The following OPCML variants were observed in gnomAD, a reference collection of about 807,000 sequenced individuals.
OPCML encodes opioid-binding protein/cell adhesion molecule.
A neutral mutation model predicts 37.8 loss-of-function variants in OPCML; 13 were observed. The observed-to-expected ratio is 0.34, with a 90% CI of 0.22 to 0.55. The LOEUF is 0.55. Ranked by LOEUF, OPCML falls within the 20% of genes least tolerant of loss-of-function variation. The pLI is 0.91. For synonymous variants in OPCML, 176 were observed against 168.8 expected (o/e 1.04, Z -0.33); for missense variants, 341 against 435.6 (o/e 0.78, Z 1.93).
At chr11:132,849,009 G>A (rs1941679316) in intron 2 of OPCML, among the ~76,000 whole-genome samples, 1 of 152,180 alleles carries the variant, frequency 6.6e-6, no homozygotes, top group Non-Finnish European at 1.5e-5. Flanking sequence ...CACAGTGTTG[G>A]CAACTGATAC....
Position 132,541,699 on chromosome 11 carries a change from C to T in OPCML, c.380-12513G>A, listed in dbSNP as rs555608761. Reference sequence around the variant, plus strand: ...AAGCAGAGAGGGGTTAAATAACTTGCTAAATTTCACACAGCCTGGAAGAGG... The same window carrying T: ...AAGCAGAGAGGGGTTAAATAACTTGTTAAATTTCACACAGCCTGGAAGAGG... On this transcript the variant is annotated intron_variant, in intron 3 of 7. Transcript: ENST00000524381. Among the ~76,000 whole-genome samples the T allele has an allele frequency of 9.9e-5, 15 of 152,250 alleles. No individual in the cohort carries two copies. In the East Asian group the frequency reaches 2.7e-3, roughly 28 times the overall value.
chr11:132,606,831 A>G (rs1030842619), intron 3 of OPCML, among the ~76,000 whole-genome samples: 8 of 152,166 alleles, frequency 5.3e-5, no homozygotes, highest in African/African-American at 1.7e-4. Context: ...GCTGGAATTG[A>G]TAAGTAGATG....
chr11:133,050,253 C>A (rs529892814), intron 1 of OPCML, among the ~76,000 whole-genome samples: 2 of 152,340 alleles, frequency 1.3e-5, no homozygotes, highest in Non-Finnish European at 2.9e-5. Context: ...GTGTAGCCAT[C>A]ATCTGCAATG....
chr11:132,443,832 T>A (rs549027318), intron 4 of OPCML, among the ~76,000 whole-genome samples: 2 of 152,322 alleles, frequency 1.3e-5, no homozygotes, highest in African/African-American at 4.8e-5. Context: ...GACATGTGCC[T>A]GAATCCTATC....
At chr11:133,087,653 AGACT>A (rs1254229374) in intron 1 of OPCML, among the ~76,000 whole-genome samples, 2 of 152,250 alleles carry the variant, frequency 1.3e-5, no homozygotes, top group African/African-American at 4.8e-5. Context: ...GTATGACTAC[AGACT>A]ATTTTTAAGT....
At chr11:133,447,602 A>G (rs1356770038) in intron 1 of OPCML, among the ~76,000 whole-genome samples, 1 of 152,178 alleles carries the variant, frequency 6.6e-6, no homozygotes, top group Non-Finnish European at 1.5e-5. Flanking sequence ...GCTCCCACTT[A>G]TAAGTGAGAA....
chr11:133,530,385 G>T (rs754321187), intron 1 of OPCML, among the ~76,000 whole-genome samples: 1 of 152,348 alleles, frequency 6.6e-6, no homozygotes, highest in South Asian at 2.1e-4. Context: ...CATAAGGGGC[G>T]CATCCATACA....
chr11:133,082,089 G>A (rs901458266), intron 1 of OPCML, among the ~76,000 whole-genome samples: 4 of 151,988 alleles, frequency 2.6e-5, no homozygotes, highest in African/African-American at 4.8e-5. Flanking sequence ...TGAGACGGCC[G>A]GGGGTGACCC....
intron 2 of OPCML, among the ~76,000 whole-genome samples, chr11:132,858,394 C>G (rs1164472035): frequency 6.6e-6 from 1 of 152,218 alleles, no homozygotes; most frequent in African/African-American, 2.4e-5. Context: ...GAGGCATGCA[C>G]CTCCTCGGCT....
chr11:133,419,683 A>G, intron 1 of OPCML, among the ~76,000 whole-genome samples: 1 of 152,184 alleles, frequency 6.6e-6, no homozygotes, highest in African/African-American at 2.4e-5. Context: ...AAATCAGCAA[A>G]TGCTGCAAAT....
chr11:132,423,681 G>A (rs1017647928), intron 7 of OPCML, among the ~76,000 whole-genome samples: 1 of 152,210 alleles, frequency 6.6e-6, no homozygotes, highest in Non-Finnish European at 1.5e-5. Context: ...CACCTAACTT[G>A]GCCAAATGCT....
chr11:133,447,017 C>T (rs1317450456), intron 1 of OPCML, among the ~76,000 whole-genome samples: 9 of 152,160 alleles, frequency 5.9e-5, no homozygotes, highest in African/African-American at 2.2e-4. Context: ...TCTTTGCAGA[C>T]ATATCTTTTC....
In OPCML at chr11:132,747,664, C is replaced by T. The variant is rs144187912; in HGVS notation, c.147-90345G>A. ...GACTGCATCTTTTACTCAGTGACTC[C>T]GGTGAAAGAGCAACAGAACCTCAGA... On this transcript the variant is annotated intron_variant, in intron 2 of 7. Transcript: ENST00000524381. 5.5e-4 allele frequency among the ~76,000 whole-genome samples: 83 copies of T among 152,254 alleles called. No individual in the cohort carries two copies. The East Asian group carries it at 7.1e-3, about 13-fold the overall frequency.
At chr11:133,294,140 C>T (rs1942561387) in intron 1 of OPCML, among the ~76,000 whole-genome samples, 1 of 151,982 alleles carries the variant, frequency 6.6e-6, no homozygotes, top group East Asian at 2.0e-4. Flanking sequence ...CACTGTGGGT[C>T]CATGTGGTAC....
intron 1 of OPCML, among the ~76,000 whole-genome samples, chr11:133,040,755 T>A (rs528790453): frequency 2.0e-5 from 3 of 152,162 alleles, no homozygotes; most frequent in Admixed American, 2.0e-4. Flanking sequence ...TGCGTCTCTC[T>A]GTGGGAGCTC....
At chr11:132,734,125 A>G (rs1268666810) in intron 2 of OPCML, among the ~76,000 whole-genome samples, 1 of 152,168 alleles carries the variant, frequency 6.6e-6, no homozygotes, top group East Asian at 1.9e-4. Flanking sequence ...TTCTTGATAT[A>G]TGGTAAATAT....
intron 1 of OPCML, chr11:133,418,646 TCC>T: frequency 5.7e-6 from 1 of 176,604 alleles, no homozygotes; most frequent in Non-Finnish European, 1.1e-5. Context: ...AATCTTAAAC[TCC>T]TTAAAGTAAG....
chr11:132,441,416 C>T (rs1179825226), intron 4 of OPCML, among the ~76,000 whole-genome samples: 1 of 151,962 alleles, frequency 6.6e-6, no homozygotes, highest in Non-Finnish European at 1.5e-5. Flanking sequence ...GATCCGCCCG[C>T]CTCGGCCTCC....
chr11:133,434,322 C>T lies in OPCML; in HGVS notation c.61+97942G>A, dbSNP rs556004554. 1.2e-4 allele frequency among the ~76,000 whole-genome samples: 19 copies of T among 152,128 alleles called. No individual in the cohort carries two copies. The East Asian group carries it at 1.4e-3, about 11-fold the overall frequency. ...TCAAAGTCCGGAAAAGTGCTGCCTCCTCCCTGTAGTCTTCCTCAAACTCCC... is the reference window on the plus strand; with the variant it reads ...TCAAAGTCCGGAAAAGTGCTGCCTCTTCCCTGTAGTCTTCCTCAAACTCCC... On this transcript the variant is annotated intron_variant, in intron 1 of 7. Coordinates refer to ENST00000524381, the MANE Select transcript of OPCML (RefSeq NM_001012393.5).
Sources: gnomAD v4.1 joint callset for allele counts (sites outside exome capture counted in the v4.1 genomes callset) on GRCh38, gnomAD v4.1.1 for gene constraint, MANE v1.5 for transcripts, NCBI Gene and HGNC (gene_info 2026-07-23, HGNC 2026-07-21) for gene names.